SLC35F4: variants seen among roughly 807,000 people sequenced by gnomAD.
The protein encoded by SLC35F4 is solute carrier family 35 member F4, also known as chromosome 14 open reading frame 36.
A neutral mutation model predicts 44.2 loss-of-function variants in SLC35F4; 24 were observed. The ratio of observed to expected loss-of-function variants is 0.54; its 90% CI spans 0.39 to 0.76. The LOEUF (loss-of-function observed/expected upper bound fraction) is 0.76, where lower values mean the gene tolerates loss of function less well. SLC35F4 is among the 30% of genes least tolerant of loss of function. The pLI is 0.00. For missense variants in SLC35F4, 562 were observed against 586.1 expected (o/e 0.96, Z 0.42); for synonymous variants, 238 against 223.6 (o/e 1.06, Z -0.57).
At chr14:57,740,712 G>A (rs1422000837) in intron 1 of SLC35F4, among the ~76,000 whole-genome samples, 3 of 152,150 alleles carry the variant, frequency 2.0e-5, no homozygotes, top group Non-Finnish European at 2.9e-5. Flanking sequence ...CAAGTACACT[G>A]ATTTGATATT....
At chr14:57,754,207 A>T (rs1263422025) in intron 1 of SLC35F4, among the ~76,000 whole-genome samples, 4 of 146,542 alleles carry the variant, frequency 2.7e-5, no homozygotes, top group African/African-American at 1.0e-4. Context: ...GGTTCAAGCG[A>T]TTCTCCTGCC....
chr14:57,685,119 A>C (rs909806206), intron 1 of SLC35F4, among the ~76,000 whole-genome samples: 1 of 152,218 alleles, frequency 6.6e-6, no homozygotes, highest in African/African-American at 2.4e-5. Flanking sequence ...CAGAAGAAGC[A>C]GATATTCAAA....
intron 1 of SLC35F4, chr14:57,602,334 A>G (rs1535573): frequency 0.69 from 105,259 of 151,918 alleles, 37,367 homozygotes; most frequent in Middle Eastern, 0.78. Context: ...TTTTGTAGAG[A>G]GATGGTGGCT....
chr14:57,942,534 T>C (rs980482944), intron 1 of SLC35F4, among the ~76,000 whole-genome samples: 4 of 152,230 alleles, frequency 2.6e-5, no homozygotes, highest in Non-Finnish European at 5.9e-5. Flanking sequence ...AAATATGGAA[T>C]GAAGACTGGA....
At chr14:57,826,091 T>C (rs1221461225) in intron 1 of SLC35F4, among the ~76,000 whole-genome samples, 1 of 152,164 alleles carries the variant, frequency 6.6e-6, no homozygotes, top group Non-Finnish European at 1.5e-5. Flanking sequence ...GCTGGAGGCA[T>C]CATGCTACCT....
chr14:57,600,721 C>T (rs57951710), intron 1 of SLC35F4, among the ~76,000 whole-genome samples: 1 of 129,784 alleles, frequency 7.7e-6, no homozygotes. Flanking sequence ...AAAAAAAAAC[C>T]AAAAAGATAA....
intron 1 of SLC35F4, among the ~76,000 whole-genome samples, chr14:57,608,520 G>A (rs1228801543): frequency 6.6e-6 from 1 of 152,110 alleles, no homozygotes; most frequent in Admixed American, 6.5e-5. Flanking sequence ...CCTCCCACAG[G>A]CCTCAGAAGA....
At chr14:57,881,057 A>G (rs780505153) in intron 1 of SLC35F4, among the ~76,000 whole-genome samples, 2 of 152,196 alleles carry the variant, frequency 1.3e-5, no homozygotes, top group Non-Finnish European at 2.9e-5. Context: ...AATTATTCTC[A>G]TGATATCCCT....
At chr14:57,739,305 T>C (rs1054576494) in intron 1 of SLC35F4, among the ~76,000 whole-genome samples, 4 of 152,308 alleles carry the variant, frequency 2.6e-5, no homozygotes, top group Non-Finnish European at 5.9e-5. Context: ...GACTCAGGCA[T>C]TCAGGGAGTA....
chr14:57,910,229 T>C (rs930886430), intron 1 of SLC35F4, among the ~76,000 whole-genome samples: 2 of 152,094 alleles, frequency 1.3e-5, no homozygotes, highest in Admixed American at 6.6e-5. Context: ...TTTTGCAATA[T>C]TTTCTCTTAG....
At chr14:57,737,181 G>A (rs1302269434) in intron 1 of SLC35F4, among the ~76,000 whole-genome samples, 1 of 151,576 alleles carries the variant, frequency 6.6e-6, no homozygotes, top group Non-Finnish European at 1.5e-5. Context: ...TATAGGCAAG[G>A]TACGCCTAAA....
At chr14:57,702,302 C>T (rs908397521) in intron 1 of SLC35F4, among the ~76,000 whole-genome samples, 22 of 144,538 alleles carry the variant, frequency 1.5e-4, no homozygotes, top group Admixed American at 5.0e-4. Context: ...CATTGTAATG[C>T]ACTATGCCCA....
intron 1 of SLC35F4, among the ~76,000 whole-genome samples, chr14:57,728,118 C>T (rs1439554006): frequency 6.6e-6 from 1 of 152,148 alleles, no homozygotes; most frequent in Non-Finnish European, 1.5e-5. Context: ...TAAGTTGACC[C>T]CTTTAACATT....
intron 3 of SLC35F4, among the ~76,000 whole-genome samples, chr14:57,587,036 G>A (rs151094033): frequency 1.1e-3 from 168 of 151,970 alleles, no homozygotes; most frequent in Non-Finnish European, 1.9e-3. Context: ...CATCATCACT[G>A]GTCATTAGAG....
Position 57,937,605 on chromosome 14 carries a change from GAAAAGAAAAGA to G in SLC35F4, n.282+44297_282+44307del, listed in dbSNP as rs1566505668. ...AGAAAAGAAAGAAAAGAAAAGAAAA[GAAAAGAAAAGA>G]AAAGAAAAGAAAAGAAAAGAAAAGA... On this transcript the variant is annotated intron_variant and non_coding_transcript_variant, in intron 1 of 1. Transcript: ENST00000556568. Among the ~76,000 whole-genome samples the G allele has an allele frequency of 7.6e-4, 41 of 54,188 alleles. 1 individual carries two copies. Among genetic ancestry groups the G allele is most frequent in the Middle Eastern group, 9.8e-3 (1 of 102 alleles). The allele number at this position is 54,188 out of a possible 152,430, so 35.5% of individuals were successfully genotyped here. A position where few individuals can be genotyped will look rare whatever the true frequency, so the allele number is the denominator to read the frequency against.
chr14:57,811,530 T>G (rs944017869), intron 1 of SLC35F4, among the ~76,000 whole-genome samples: 3 of 152,232 alleles, frequency 2.0e-5, no homozygotes, highest in South Asian at 2.1e-4. Context: ...TGTTTTCAGT[T>G]TGTAAAGTGC....
intron 1 of SLC35F4, among the ~76,000 whole-genome samples, chr14:57,698,632 A>G (rs1418313479): frequency 6.8e-6 from 1 of 147,000 alleles, no homozygotes; most frequent in East Asian, 2.0e-4. Flanking sequence ...CCACATAGCT[A>G]AACATGTCAC....
intron 1 of SLC35F4, among the ~76,000 whole-genome samples, chr14:57,877,526 T>C (rs1399380250): frequency 2.0e-5 from 3 of 152,154 alleles, no homozygotes; most frequent in African/African-American, 7.2e-5. Context: ...AGTAATGGGA[T>C]TGCTCAATCA....
In SLC35F4 at chr14:57,913,668, C is replaced by A. The variant is rs561751494; in HGVS notation, n.282+68245G>T. ...ATATATAAACATATACACACATAAG[C>A]ATACATAATCGAGTACACTGCTATT... On this transcript the variant is annotated intron_variant and non_coding_transcript_variant, in intron 1 of 1. Transcript: ENST00000556568. Among the ~76,000 whole-genome samples, 11 of 152,214 alleles carry A rather than the reference C, an allele frequency of 7.2e-5. 1 individual carries two copies. Among genetic ancestry groups the A allele is most frequent in the African/African-American group, 2.4e-4 (10 of 41,544 alleles).
Sources: allele counts gnomAD v4.1 joint callset (sites outside exome capture counted in the v4.1 genomes callset), GRCh38; gene constraint gnomAD v4.1.1; transcripts MANE v1.5; gene names NCBI Gene and HGNC (gene_info 2026-07-23, HGNC 2026-07-21).